The following PSMC3 variants were observed in gnomAD, a reference collection of about 807,000 sequenced individuals.
PSMC3 encodes proteasome 26S subunit, ATPase 3, also known as 26S proteasome regulatory subunit 6A.
PSMC3 carries 11 observed loss-of-function variants against 52.0 expected under a neutral mutation model. That is an observed-to-expected ratio of 0.21 (90% confidence interval 0.13 to 0.35). The LOEUF is 0.35. PSMC3 is among the 10% of genes least tolerant of loss of function. The pLI, the probability that PSMC3 is intolerant of heterozygous loss-of-function variation, is 1.00. For missense variants in PSMC3, 238 were observed against 567.1 expected (o/e 0.42, Z 5.89); for synonymous variants, 201 against 218.8 (o/e 0.92, Z 0.72).
At chr11:47,423,006 A>T in intron 6 of PSMC3, 33 bp from the exon 7 acceptor site, 1 of 1,579,768 alleles carries the variant, frequency 6.3e-7, no homozygotes, top group East Asian at 2.2e-5. Flanking sequence ...GAGGAGATGA[A>T]GCCCTGAGGG....
Position 47,420,124 on chromosome 11 carries a change from G to T in PSMC3, c.1127+140C>A, listed in dbSNP as rs545567866. 1.6e-5 allele frequency: 16 copies of T among 983,308 alleles called. No homozygotes were observed. In the South Asian group the frequency reaches 2.1e-4, roughly 13 times the overall value. The allele number at this position is 983,308 out of a possible 1,614,324, so 60.9% of individuals were successfully genotyped here. ...CAACTGAGGAGAAACGGAGGCTGGC[G>T]TGTGGAACGGTGCTGTGTGTGCCTG... On this transcript the variant is annotated intron_variant, in intron 10 of 11. Coordinates refer to ENST00000298852, the MANE Select transcript of PSMC3 (RefSeq NM_002804.5).
chr11:47,423,105 C>T, intron 6 of PSMC3, 132 bp from the exon 7 acceptor site: 1 of 994,534 alleles, frequency 1.0e-6, no homozygotes, highest in Non-Finnish European at 1.5e-6. Context: ...TTCCCCATAT[C>T]AAGAGGACAC....
chr11:47,425,280 A>G (rs747206454), intron 2 of PSMC3, 34 bp from the exon 3 acceptor site: 2 of 1,612,578 alleles, frequency 1.2e-6, no homozygotes, highest in South Asian at 2.2e-5. Flanking sequence ...GCAAATATAA[A>G]CCCTGGCACA....
rs182330712 is a variant in PSMC3 at position 47,419,792 on chromosome 11, G to A, written c.1127+472C>T. ...GAGAATGGCGTGAACCCAGGAGGCG[G>A]AGCTTGCAGTGAGCCGAGATCGCGC... On this transcript the variant is annotated intron_variant, in intron 10 of 11. Transcript: ENST00000298852. Among the ~76,000 whole-genome samples the A allele has an allele frequency of 1.5e-4, 23 of 152,050 alleles. 1 individual carries two copies. Among genetic ancestry groups the A allele is most frequent in the Admixed American group, 1.4e-3 (22 of 15,274 alleles).
At chr11:47,425,006 C>T (rs1361976215) in intron 3 of PSMC3, 115 bp downstream of exon 3, 138 of 1,464,910 alleles carry the variant, frequency 9.4e-5, no homozygotes, top group Middle Eastern at 1.8e-4. Context: ...GGAGGTGTAG[C>T]TCTGACATGC....
chr11:47,426,165 G>A (rs1466606128), intron 1 of PSMC3, 40 bp downstream of exon 1: 1 of 1,539,364 alleles, frequency 6.5e-7, no homozygotes, highest in African/African-American at 1.4e-5. Context: ...GTCTCCCTGC[G>A]GGCCCCGGTT....
Position 47,426,264 on chromosome 11 carries a change from T to A in PSMC3, c.16A>T (p.Asn6Tyr), listed in dbSNP as rs1335890825. The change falls in exon 1 of 12, where the codon AAT (asparagine) becomes TAT (tyrosine). Residue 6 changes from asparagine (N) to tyrosine (Y), a missense_variant. Asn to Tyr is a moderately radical substitution (Grantham distance 143). This residue lies in a region of PSMC3 where 48 missense variants were observed against 63.4 expected (regional missense o/e 0.76). Coordinates refer to ENST00000298852, the MANE Select transcript of PSMC3 (RefSeq NM_002804.5). MNLLP[N>Y]IESPVTRQEK... ...TGCCGAGTCACTGGACTCTCAATAT[T>A]CGGCAGCAGATTCATTTCCTGGAGG... 3 of 1,554,866 alleles carry A rather than the reference T, an allele frequency of 1.9e-6. No individual in the cohort carries two copies. In the South Asian group the frequency reaches 3.6e-5, roughly 18 times the overall value.
At position 47,424,788 on chromosome 11, in the gene PSMC3, G is replaced by A; in HGVS notation, c.286-77C>T. ...CCTAAGACAGTTCCTAATACCTGCA[G>A]GGCTGGCCATCCTTACCTCCCTCCT... On this transcript the variant is annotated intron_variant, in intron 3 of 11. Coordinates refer to ENST00000298852, the MANE Select transcript of PSMC3 (RefSeq NM_002804.5). This position sits in a 1 kb window ranked among gnomAD's most constrained non-coding sequence, Gnocchi z 4.8. 1.5e-6 allele frequency: 2 copies of A among 1,304,734 alleles called. No individual in the cohort carries two copies. The highest frequency in any genetic ancestry group is 1.1e-6 in the Non-Finnish European group (1 of 903,908). The allele number at this position is 1,304,734 out of a possible 1,614,324, so 80.8% of individuals were successfully genotyped here.
At chr11:47,421,916 T>C (rs1411431355) in intron 8 of PSMC3, among the ~76,000 whole-genome samples, 1 of 152,034 alleles carries the variant, frequency 6.6e-6, no homozygotes, top group Non-Finnish European at 1.5e-5. Flanking sequence ...CCTTCCAAAG[T>C]GTAGGGAATA....
chr11:47,425,451 T>C lies in PSMC3; in HGVS notation c.160-205A>G, dbSNP rs937068367. 9 of 617,778 alleles carry C rather than the reference T, an allele frequency of 1.5e-5. No homozygotes were observed. In the East Asian group the frequency reaches 1.9e-4, roughly 13 times the overall value. The allele number at this position is 617,778 out of a possible 1,614,324, so 38.3% of individuals were successfully genotyped here. A position where few individuals can be genotyped will look rare whatever the true frequency, so the allele number is the denominator to read the frequency against. ...CCAGTTTGGAAACCTCCTGGTGAAA[T>C]AGTGGTAGTATTGGAATAAAAGCAG... On this transcript the variant is annotated intron_variant, in intron 2 of 11. Transcript: ENST00000298852.
Position 47,424,282 on chromosome 11 carries a change from G to C in PSMC3, c.454-99C>G. On this transcript the variant is annotated intron_variant, in intron 5 of 11. Coordinates refer to ENST00000298852, the MANE Select transcript of PSMC3 (RefSeq NM_002804.5). This position sits in a 1 kb window ranked among gnomAD's most constrained non-coding sequence, Gnocchi z 4.8. ...TGCAGAGGGAAAGACACAGGACTGG[G>C]CAATACAAGAATCAAACAGCAAGTA... is the stretch of plus-strand genomic sequence containing the variant. 6.3e-7 allele frequency: 1 copy of C among 1,574,910 alleles called. No homozygotes were observed. The highest frequency in any genetic ancestry group is 8.7e-7 in the Non-Finnish European group (1 of 1,145,136).
intron 10 of PSMC3, among the ~76,000 whole-genome samples, chr11:47,419,775 C>A (rs886256042): frequency 6.6e-6 from 1 of 151,690 alleles, no homozygotes; most frequent in South Asian, 2.1e-4. Flanking sequence ...AGGAGAATGG[C>A]GTGAACCCAG....
chr11:47,425,334 G>A, intron 2 of PSMC3, 88 bp from the exon 3 acceptor site: 1 of 1,527,940 alleles, frequency 6.5e-7, no homozygotes, highest in South Asian at 1.1e-5. Flanking sequence ...AGGGTGCCCA[G>A]GGGACCCTCC....
intron 10 of PSMC3, among the ~76,000 whole-genome samples, chr11:47,419,602 A>C (rs182389891): frequency 6.6e-6 from 1 of 151,900 alleles, no homozygotes. Flanking sequence ...GCTCATACCT[A>C]TAATCCCAGC....
chr11:47,425,808 G>A, intron 2 of PSMC3, 59 bp downstream of exon 2: 2 of 1,481,746 alleles, frequency 1.3e-6, no homozygotes, highest in Non-Finnish European at 1.8e-6. Flanking sequence ...GAGGCGACTC[G>A]GATCGCCGGG....
Position 47,425,359 on chromosome 11 carries a change from C to T in PSMC3, c.160-113G>A, listed in dbSNP as rs2096045177. 2.3e-6 allele frequency: 3 copies of T among 1,327,092 alleles called. No individual in the cohort carries two copies. In the South Asian group the frequency reaches 3.7e-5, roughly 16 times the overall value. The allele number at this position is 1,327,092 out of a possible 1,614,324, so 82.2% of individuals were successfully genotyped here. A position where few individuals can be genotyped will look rare whatever the true frequency, so the allele number is the denominator to read the frequency against. On this transcript the variant is annotated intron_variant, in intron 2 of 11. Coordinates refer to ENST00000298852, the MANE Select transcript of PSMC3 (RefSeq NM_002804.5). ...GGGGACCCTCCCGCATCCATTCATC[C>T]AGCTCTGAGGCTCTCTGAAGGCAGA...
Position 47,425,924 on chromosome 11 carries a change from G to A in PSMC3, c.102C>T (p.Leu34=). The A allele has an allele frequency of 1.7e-5, 28 of 1,613,912 alleles. No homozygotes were observed. The highest frequency in any genetic ancestry group is 2.4e-5 in the Non-Finnish European group (28 of 1,179,792). ...AEQDGIGEEV[L]KMSTEEIIQR... ...GGATGATCTCCTCCGTGGACATCTT[G>A]AGCACCTCCTCCCCAATTCCATCTT... Residue 34 remains leucine, a synonymous_variant, in exon 2 of 12, where the codon CTC becomes CTT. Transcript: ENST00000298852.
rs899399466 is a variant in PSMC3 at position 47,418,783 on chromosome 11, A to G, written c.*52T>C. ...AGACAAGCAGCGGCAGGGACCCTAA[A>G]CCATCTTTTATTGCGCACTTCAGCC... is the stretch of plus-strand genomic sequence containing the variant. On this transcript the variant is annotated 3_prime_UTR_variant, in exon 12 of 12. Transcript: ENST00000298852. 11 of 1,534,004 alleles carry G rather than the reference A, an allele frequency of 7.2e-6. No individual in the cohort carries two copies. Among genetic ancestry groups the G allele is most frequent in the Middle Eastern group, 3.7e-4 (2 of 5,478 alleles).
In PSMC3 at chr11:47,426,243, G is replaced by T. The variant is rs1282153872; in HGVS notation, c.37C>A (p.Arg13=). The change falls in exon 1 of 12, where the codon CGG becomes AGG. Residue 13 remains arginine, a synonymous_variant. Coordinates refer to ENST00000298852, the MANE Select transcript of PSMC3 (RefSeq NM_002804.5). Reference sequence around the variant, plus strand: ...CACACGGTCGCCATCTTCTCCTGCCGAGTCACTGGACTCTCAATATTCGGC... The same window carrying T: ...CACACGGTCGCCATCTTCTCCTGCCTAGTCACTGGACTCTCAATATTCGGC... ...LLPNIESPVT[R]QEKMATVWDE... 6.4e-7 allele frequency: 1 copy of T among 1,559,462 alleles called. No individual in the cohort carries two copies. Among genetic ancestry groups the T allele is most frequent in the Non-Finnish European group, 8.7e-7 (1 of 1,152,000 alleles).
Sources: gnomAD v4.1 joint callset for allele counts (sites outside exome capture counted in the v4.1 genomes callset) on GRCh38, gnomAD v4.1.1 for gene constraint, gnomAD v4.1.1 regional missense constraint, Gnocchi (gnomAD v3.1) non-coding constraint, MANE v1.5 for transcripts, NCBI Gene and HGNC (gene_info 2026-07-23, HGNC 2026-07-21) for gene names.